Variants in ROBO1 observed in about 807,000 individuals in gnomAD.
The protein encoded by ROBO1 is roundabout guidance receptor 1.
A neutral mutation model predicts 195.9 loss-of-function variants in ROBO1; 149 were observed. The observed-to-expected ratio is 0.76, with a 90% confidence interval of 0.67 to 0.87. The LOEUF is 0.87. ROBO1 is among the 40% of genes least tolerant of loss of function. The pLI is 0.00. For missense variants in ROBO1, 1,933 were observed against 2,068.3 expected (o/e 0.93, Z 1.27); for synonymous variants, 816 against 733.2 (o/e 1.11, Z -1.82).
intron 3 of ROBO1, among the ~76,000 whole-genome samples, chr3:79,079,364 A>T (rs1360320858): frequency 2.0e-5 from 3 of 151,862 alleles, no homozygotes; most frequent in Non-Finnish European, 4.4e-5. Context: ...TTAAATAGGA[A>T]TAAGTTATTT....
chr3:78,652,318 G>A (rs1706717393), intron 18 of ROBO1, among the ~76,000 whole-genome samples: 2 of 152,008 alleles, frequency 1.3e-5, no homozygotes, highest in African/African-American at 2.4e-5. Flanking sequence ...AATAATACAT[G>A]TACACATAAG....
At chr3:79,513,366 A>G (rs530110759) in intron 2 of ROBO1, among the ~76,000 whole-genome samples, 1 of 152,140 alleles carries the variant, frequency 6.6e-6, no homozygotes, top group Non-Finnish European at 1.5e-5. Context: ...AAAAAATAAT[A>G]TGCTCAACCA....
intron 2 of ROBO1, among the ~76,000 whole-genome samples, chr3:79,550,670 A>G (rs1464476170): frequency 6.6e-6 from 1 of 152,224 alleles, no homozygotes; most frequent in Non-Finnish European, 1.5e-5. Flanking sequence ...AATAATTCCC[A>G]GCAAATACCA....
intron 4 of ROBO1, among the ~76,000 whole-genome samples, chr3:78,810,923 A>G (rs2084717865): frequency 6.6e-6 from 1 of 152,314 alleles, no homozygotes; most frequent in African/African-American, 2.4e-5. Flanking sequence ...CCTACTTTCA[A>G]TCAACCTGCT....
intron 30 of ROBO1, among the ~76,000 whole-genome samples, chr3:78,599,287 TC>T (rs1458534186): frequency 6.6e-6 from 1 of 152,082 alleles, no homozygotes; most frequent in Non-Finnish European, 1.5e-5. Context: ...GCCATTCTGT[TC>T]CCCCAAAAGG....
At chr3:78,659,410 T>C (rs1423037786) in intron 17 of ROBO1, among the ~76,000 whole-genome samples, 1 of 152,154 alleles carries the variant, frequency 6.6e-6, no homozygotes, top group Non-Finnish European at 1.5e-5. Context: ...CAGAAGAACA[T>C]GTATAGTCTT....
rs796372667 is a variant in ROBO1, at chr3:78,757,945, C to G, written c.500-11045G>C. The stretch of plus-strand genomic sequence containing the variant: ...TGTCTTTGGCTTCAAAATAATAATG[C>G]CAAATACCTAACAGGGCTCTGAATC... On this transcript the variant is annotated intron_variant, in intron 4 of 30. Coordinates refer to ENST00000464233, the MANE Select transcript of ROBO1 (RefSeq NM_002941.4). 2.0e-5 allele frequency among the ~76,000 whole-genome samples: 3 copies of G among 152,244 alleles called. No individual in the cohort carries two copies. In the South Asian group the frequency reaches 6.2e-4, roughly 32 times the overall value.
chr3:79,066,601 C>T (rs72892076), intron 3 of ROBO1, among the ~76,000 whole-genome samples: 6,622 of 151,830 alleles, frequency 0.044, 480 homozygotes, highest in African/African-American at 0.15. Context: ...AAAAATGCTT[C>T]TTAGGGAAAA....
intron 4 of ROBO1, among the ~76,000 whole-genome samples, chr3:78,840,462 T>C (rs28629289): frequency 0.28 from 42,717 of 152,052 alleles, 7,466 homozygotes; most frequent in South Asian, 0.45. Context: ...AAATGCTCTA[T>C]AGTTGTTAAT....
chr3:78,783,860 T>C (rs1224580515), intron 4 of ROBO1, among the ~76,000 whole-genome samples: 3 of 152,156 alleles, frequency 2.0e-5, no homozygotes, highest in Non-Finnish European at 4.4e-5. Flanking sequence ...TGAATTACAC[T>C]TCACTATCCA....
At position 79,484,810 on chromosome 3, in the gene ROBO1, G is replaced by A. The variant is rs1195583455; in HGVS notation, c.88+105014C>T. ...CGCTCTGTCACCAGGCCAGAGTGCA[G>A]TGGCATGATCTCGGCTCACTGCAAG... On this transcript the variant is annotated intron_variant, in intron 2 of 30. Transcript: ENST00000464233. 3.8e-4 allele frequency among the ~76,000 whole-genome samples: 47 copies of A among 124,358 alleles called. No homozygotes were observed. The Admixed American group carries it at 5.0e-3, about 13-fold the overall frequency. 81.6% of individuals were successfully genotyped at this position (124,358 alleles called of 152,430 possible).
At position 79,362,188 on chromosome 3, in the gene ROBO1, A is replaced by G. The variant is rs1261036775; in HGVS notation, c.88+227636T>C. ...GTATCTAAGACACAGACAACAAATG[A>G]AAGATACAAGACAGTAGCTTTAAAG... On this transcript the variant is annotated intron_variant, in intron 2 of 30. Transcript: ENST00000464233. Among the ~76,000 whole-genome samples the G allele has an allele frequency of 6.6e-5, 10 of 152,276 alleles. 1 individual carries two copies. The East Asian group carries it at 1.7e-3, about 26-fold the overall frequency.
At chr3:79,277,188 T>C (rs1411402509) in intron 2 of ROBO1, among the ~76,000 whole-genome samples, 2 of 152,138 alleles carry the variant, frequency 1.3e-5, no homozygotes, top group Non-Finnish European at 2.9e-5. Context: ...TGTAGCACTA[T>C]TCACAGTAGC....
chr3:79,053,168 A>G (rs905060032), intron 3 of ROBO1, among the ~76,000 whole-genome samples: 1 of 151,876 alleles, frequency 6.6e-6, no homozygotes, highest in Non-Finnish European at 1.5e-5. Context: ...TCCTAATGAC[A>G]TACCAATCCC....
At chr3:79,636,344 G>A (rs564160105) in intron 1 of ROBO1, among the ~76,000 whole-genome samples, 2 of 152,162 alleles carry the variant, frequency 1.3e-5, no homozygotes, top group South Asian at 4.2e-4. Context: ...CAAAAATAGG[G>A]AGCAAACCTC....
At chr3:78,825,010 C>A (rs1347809169) in intron 4 of ROBO1, among the ~76,000 whole-genome samples, 2 of 152,170 alleles carry the variant, frequency 1.3e-5, no homozygotes, top group East Asian at 1.9e-4. Flanking sequence ...GTTAAAATTT[C>A]TTTTCTAAAT....
intron 2 of ROBO1, among the ~76,000 whole-genome samples, chr3:79,515,346 T>C (rs577690756): frequency 2.6e-5 from 4 of 152,332 alleles, no homozygotes; most frequent in African/African-American, 7.2e-5. Context: ...GAATGAAGAA[T>C]TTCCTATTCT....
intron 3 of ROBO1, among the ~76,000 whole-genome samples, chr3:79,027,297 T>C (rs1396565361): frequency 6.6e-6 from 1 of 152,108 alleles, no homozygotes; most frequent in Non-Finnish European, 1.5e-5. Context: ...AATGTTACAC[T>C]ACCTTTGGAA....
intron 5 of ROBO1, among the ~76,000 whole-genome samples, chr3:78,731,451 G>A (rs969342874): frequency 4.6e-5 from 7 of 152,012 alleles, no homozygotes; most frequent in Non-Finnish European, 7.4e-5. Flanking sequence ...AATGAAAAAA[G>A]CTTGATCTGA....
Sources: gnomAD v4.1 joint callset for allele counts (sites outside exome capture counted in the v4.1 genomes callset) on GRCh38, gnomAD v4.1.1 for gene constraint, MANE v1.5 for transcripts, NCBI Gene and HGNC (gene_info 2026-07-23, HGNC 2026-07-21) for gene names.